Variants in LHFPL3 observed in about 807,000 individuals in gnomAD.
LHFPL3 encodes LHFPL tetraspan subfamily member 3.
LHFPL3 carries 5 observed loss-of-function variants against 19.3 expected under a neutral mutation model. The ratio of observed to expected loss-of-function variants is 0.26; its 90% CI spans 0.14 to 0.54. LHFPL3 has a LOEUF of 0.54. Among genes scored for constraint, LHFPL3 ranks in the 20% least tolerant of loss-of-function variants. The pLI, the probability that LHFPL3 is intolerant of heterozygous loss-of-function variation, is 0.94. For synonymous variants in LHFPL3, 133 were observed against 126.2 expected, an observed-to-expected ratio of 1.05 and a Z score of -0.36; for missense variants, 249 against 307.4, an observed-to-expected ratio of 0.81 and a Z score of 1.42.
chr7:104,474,530 G>C (rs897332184), intron 1 of LHFPL3, among the ~76,000 whole-genome samples: 3 of 151,936 alleles, frequency 2.0e-5, no homozygotes, highest in African/African-American at 7.3e-5. Flanking sequence ...AGCCGGGCAT[G>C]GTGGCAGGTG....
intron 1 of LHFPL3, among the ~76,000 whole-genome samples, chr7:104,666,345 A>G (rs2116011026): frequency 6.6e-6 from 1 of 151,722 alleles, no homozygotes; most frequent in East Asian, 1.9e-4. Flanking sequence ...CACTTTTCCC[A>G]GCCTCTGGTG....
chr7:104,521,795 A>AT (rs1284423686), intron 1 of LHFPL3, among the ~76,000 whole-genome samples: 1 of 152,238 alleles, frequency 6.6e-6, no homozygotes, highest in Non-Finnish European at 1.5e-5. Flanking sequence ...AATGCTCACC[A>AT]TCACTGGCCA....
intron 1 of LHFPL3, among the ~76,000 whole-genome samples, chr7:104,674,619 G>A (rs1163115786): frequency 1.3e-5 from 2 of 151,884 alleles, no homozygotes; most frequent in Admixed American, 6.6e-5. Flanking sequence ...CACCTGCCTC[G>A]GCCTCCCAAA....
intron 1 of LHFPL3, among the ~76,000 whole-genome samples, chr7:104,719,393 G>A (rs1793446449): frequency 1.3e-5 from 2 of 152,074 alleles, no homozygotes; most frequent in Non-Finnish European, 2.9e-5. Flanking sequence ...AGCCAAAAAA[G>A]GGGGATGAGT....
At chr7:104,653,076 C>G (rs1031143153) in intron 1 of LHFPL3, among the ~76,000 whole-genome samples, 28 of 152,084 alleles carry the variant, frequency 1.8e-4, no homozygotes, top group Admixed American at 1.8e-3. Flanking sequence ...TAAGGTTTCC[C>G]AGATAGGAGC....
chr7:104,349,721 T>G (rs1790138592), intron 1 of LHFPL3, among the ~76,000 whole-genome samples: 1 of 152,210 alleles, frequency 6.6e-6, no homozygotes, highest in Admixed American at 6.5e-5. Context: ...TAAAGTATAA[T>G]TTTAAAAAAG....
chr7:104,450,329 G>C (rs1284786196), intron 1 of LHFPL3, among the ~76,000 whole-genome samples: 1 of 152,116 alleles, frequency 6.6e-6, no homozygotes, highest in East Asian at 1.9e-4. Context: ...TATCCTTCTG[G>C]GTAGAAATGA....
rs1351487416 is a variant in LHFPL3 at position 104,907,679 on chromosome 7, G to T, written c.*1464G>T. 6.6e-6 allele frequency among the ~76,000 whole-genome samples: 1 copy of T among 152,170 alleles called. No individual in the cohort carries two copies. Among genetic ancestry groups the T allele is most frequent in the African/African-American group, 2.4e-5 (1 of 41,442 alleles). On this transcript the variant is annotated 3_prime_UTR_variant, in exon 3 of 3. Transcript: ENST00000424859. Reference sequence around the variant, plus strand: ...GGACATGTAGAATGCTTTTATTCATGTATTCAAAATCAGAACAAATCAGTG... The same window carrying T: ...GGACATGTAGAATGCTTTTATTCATTTATTCAAAATCAGAACAAATCAGTG...
At chr7:104,825,773 G>C (rs1790805590) in intron 2 of LHFPL3, among the ~76,000 whole-genome samples, 1 of 151,858 alleles carries the variant, frequency 6.6e-6, no homozygotes, top group African/African-American at 2.4e-5. Flanking sequence ...GATAGTTGCA[G>C]CAGCTCCAAC....
Position 104,821,807 on chromosome 7 carries a change from C to A in LHFPL3, c.683-84380C>A, listed in dbSNP as rs372800869. Among the ~76,000 whole-genome samples the A allele has an allele frequency of 2.6e-4, 39 of 152,292 alleles. 1 individual carries two copies. The highest frequency in any genetic ancestry group is 8.7e-4 in the African/African-American group (36 of 41,570). ...ATGAGTAAAATAACCAATTCTCCCA[C>A]CTCCAAGTGAAACCTCACTTAGTTA... On this transcript the variant is annotated intron_variant, in intron 2 of 2. Transcript: ENST00000424859.
At chr7:104,878,861 C>G (rs1463690598) in intron 2 of LHFPL3, among the ~76,000 whole-genome samples, 1 of 152,130 alleles carries the variant, frequency 6.6e-6, no homozygotes, top group Non-Finnish European at 1.5e-5. Flanking sequence ...AGTGAAACAG[C>G]CTTTAAGGGA....
At chr7:104,730,423 T>TA (rs564731286) in intron 1 of LHFPL3, among the ~76,000 whole-genome samples, 1 of 152,218 alleles carries the variant, frequency 6.6e-6, no homozygotes, top group Non-Finnish European at 1.5e-5. Context: ...CCTGACTTTT[T>TA]AAAGATCGCC....
intron 1 of LHFPL3, among the ~76,000 whole-genome samples, chr7:104,451,131 C>T (rs1280008647): frequency 6.6e-6 from 1 of 152,154 alleles, no homozygotes; most frequent in Non-Finnish European, 1.5e-5. Context: ...GGAACGGAAA[C>T]TATAGATGTA....
intron 1 of LHFPL3, among the ~76,000 whole-genome samples, chr7:104,384,172 G>A (rs1173515149): frequency 6.6e-6 from 1 of 152,168 alleles, no homozygotes; most frequent in Non-Finnish European, 1.5e-5. Context: ...TATGGGAGAA[G>A]TGGAAGAGCT....
chr7:104,653,032 G>T (rs549273646), intron 1 of LHFPL3, among the ~76,000 whole-genome samples: 6 of 98,528 alleles, frequency 6.1e-5, no homozygotes, highest in Admixed American at 2.5e-4. Flanking sequence ...ACCTTCAGGT[G>T]TTGGCTGGAA....
intron 2 of LHFPL3, among the ~76,000 whole-genome samples, chr7:104,754,864 A>AT (rs1794253028): frequency 1.3e-5 from 2 of 152,022 alleles, no homozygotes; most frequent in Admixed American, 1.3e-4. Flanking sequence ...CTTTACTCTC[A>AT]TTTTTTCCCC....
chr7:104,492,503 T>C (rs538593565), intron 1 of LHFPL3, among the ~76,000 whole-genome samples: 14 of 152,378 alleles, frequency 9.2e-5, no homozygotes, highest in African/African-American at 3.4e-4. Flanking sequence ...TATTAAACAA[T>C]AGCCCAGGCT....
At chr7:104,803,166 T>C (rs187309280) in intron 2 of LHFPL3, among the ~76,000 whole-genome samples, 2 of 152,326 alleles carry the variant, frequency 1.3e-5, no homozygotes, top group African/African-American at 4.8e-5. Context: ...ACCTTCAAGA[T>C]CCAGATCCAA....
intron 1 of LHFPL3, among the ~76,000 whole-genome samples, chr7:104,402,997 G>T (rs574042244): frequency 6.6e-6 from 1 of 152,270 alleles, no homozygotes; most frequent in African/African-American, 2.4e-5. Flanking sequence ...GTAAGTTGGA[G>T]TTGAACAATT....
Sources: allele counts gnomAD v4.1 joint callset (sites outside exome capture counted in the v4.1 genomes callset), GRCh38; gene constraint gnomAD v4.1.1; transcripts MANE v1.5; gene names NCBI Gene and HGNC (gene_info 2026-07-23, HGNC 2026-07-21).